The following CTNND2 variants were observed in gnomAD, a reference collection of about 807,000 sequenced individuals.
The protein encoded by CTNND2 is catenin delta 2.
A neutral mutation model predicts 144.4 loss-of-function variants in CTNND2; 22 were observed. The observed-to-expected ratio is 0.15, with a 90% CI of 0.11 to 0.22. The LOEUF (loss-of-function observed/expected upper bound fraction) is 0.22. Among genes scored for constraint, CTNND2 ranks in the 10% least tolerant of loss-of-function variants. The pLI is 1.00. For missense variants in CTNND2, 1,353 were observed against 1,618.8 expected, an observed-to-expected ratio of 0.84 and a Z score of 2.82; for synonymous variants, 751 against 695.6, an observed-to-expected ratio of 1.08 and a Z score of -1.25.
chr5:11,419,541 G>A (rs1426638615), intron 3 of CTNND2, among the ~76,000 whole-genome samples: 2 of 152,130 alleles, frequency 1.3e-5, no homozygotes, highest in Admixed American at 6.5e-5. Flanking sequence ...TTTTTACAAT[G>A]TTTCAAGTTT....
chr5:11,858,257 C>T (rs958153396), intron 1 of CTNND2, among the ~76,000 whole-genome samples: 1 of 152,140 alleles, frequency 6.6e-6, no homozygotes, highest in Non-Finnish European at 1.5e-5. Flanking sequence ...AAATAGGTGG[C>T]AAAGTTGGTT....
chr5:11,148,285 G>A (rs899144050), intron 12 of CTNND2, among the ~76,000 whole-genome samples: 16 of 152,184 alleles, frequency 1.1e-4, no homozygotes, highest in African/African-American at 3.6e-4. Flanking sequence ...AAATGCTGCC[G>A]AGTTGTTCAC....
chr5:11,578,925 T>C (rs896949409), intron 2 of CTNND2, among the ~76,000 whole-genome samples: 1 of 152,182 alleles, frequency 6.6e-6, no homozygotes. Flanking sequence ...GGAAGTAATA[T>C]ATTCAAAACA....
At chr5:11,094,546 C>T (rs1751139490) in intron 15 of CTNND2, among the ~76,000 whole-genome samples, 2 of 146,550 alleles carry the variant, frequency 1.4e-5, no homozygotes, top group African/African-American at 5.1e-5. Context: ...GTGGCGTGAT[C>T]CTGGCTCACT....
intron 7 of CTNND2, among the ~76,000 whole-genome samples, chr5:11,374,561 T>G (rs1488054167): frequency 1.3e-5 from 2 of 151,568 alleles, no homozygotes; most frequent in African/African-American, 4.9e-5. Context: ...CTTACCAGAG[T>G]TTTTAATGGG....
At chr5:11,836,548 A>C (rs902176661) in intron 1 of CTNND2, among the ~76,000 whole-genome samples, 1 of 152,104 alleles carries the variant, frequency 6.6e-6, no homozygotes, top group African/African-American at 2.4e-5. Context: ...AAAAAAAAAA[A>C]AGATTCCATT....
chr5:11,377,081 C>T (rs1019061602), intron 7 of CTNND2, among the ~76,000 whole-genome samples: 1 of 149,566 alleles, frequency 6.7e-6, no homozygotes, highest in Non-Finnish European at 1.5e-5. Flanking sequence ...GAAGGAGGCT[C>T]ATTCTGTTGC....
At position 11,470,972 on chromosome 5, in the gene CTNND2, ATATATATATTT is replaced by A. The variant is rs1318304717; in HGVS notation, c.288-58914_288-58904del. 5.7e-4 allele frequency among the ~76,000 whole-genome samples: 56 copies of A among 98,394 alleles called. 1 individual carries two copies. The highest frequency in any genetic ancestry group is 2.3e-3 in the African/African-American group (48 of 20,636). 64.6% of individuals were successfully genotyped at this position (98,394 alleles called of 152,430 possible). A position where few individuals can be genotyped will look rare whatever the true frequency, so the allele number is the denominator to read the frequency against. On this transcript the variant is annotated intron_variant, in intron 3 of 21. Transcript: ENST00000304623. ...ATACAAAGTATATATATATATATAT[ATATATATATTT>A]TTTTTTTTTTTTTAGATGGAGTCTC...
chr5:11,140,905 C>T (rs1433757410), intron 12 of CTNND2, among the ~76,000 whole-genome samples: 2 of 152,118 alleles, frequency 1.3e-5, no homozygotes, highest in Non-Finnish European at 2.9e-5. Context: ...ATTACTAATA[C>T]TATTTTTATT....
At chr5:11,504,108 T>A (rs1357848324) in intron 3 of CTNND2, among the ~76,000 whole-genome samples, 1 of 152,232 alleles carries the variant, frequency 6.6e-6, no homozygotes, top group African/African-American at 2.4e-5. Flanking sequence ...GAAGCTAGAC[T>A]GAATTTGGCC....
intron 2 of CTNND2, among the ~76,000 whole-genome samples, chr5:11,726,317 A>G (rs1041580524): frequency 2.0e-5 from 3 of 152,184 alleles, no homozygotes; most frequent in Non-Finnish European, 4.4e-5. Flanking sequence ...AATGATATGA[A>G]AAAATACTCC....
At position 11,803,305 on chromosome 5, in the gene CTNND2, C is replaced by T. The variant is rs192109798; in HGVS notation, c.38-71033G>A. On this transcript the variant is annotated intron_variant, in intron 1 of 21. Transcript: ENST00000304623. ...ACTGCACTCCAGCCTGGCAACAGAG[C>T]GAGACTGCGTCTCAAAAAAAAAAGA... 2.7e-4 allele frequency among the ~76,000 whole-genome samples: 38 copies of T among 142,838 alleles called. No individual in the cohort carries two copies. The East Asian group carries it at 2.7e-3, about 10-fold the overall frequency. The allele number at this position is 142,838 out of a possible 152,430, so 93.7% of individuals were successfully genotyped here.
At chr5:11,554,129 G>C (rs1338337193) in intron 3 of CTNND2, among the ~76,000 whole-genome samples, 1 of 152,092 alleles carries the variant, frequency 6.6e-6, no homozygotes, top group Non-Finnish European at 1.5e-5. Context: ...AAGAATATTA[G>C]TATAATTTGT....
intron 16 of CTNND2, among the ~76,000 whole-genome samples, chr5:11,048,405 C>T (rs1318711523): frequency 1.3e-5 from 2 of 152,074 alleles, no homozygotes. Flanking sequence ...GTTTTATTTC[C>T]CCATAAAAAT....
chr5:11,751,329 C>T (rs552410165), intron 1 of CTNND2, among the ~76,000 whole-genome samples: 1 of 151,880 alleles, frequency 6.6e-6, no homozygotes, highest in South Asian at 2.1e-4. Flanking sequence ...ATTATTTCAT[C>T]ACCCAGGTAA....
At chr5:11,345,803 A>C (rs1029917763) in intron 9 of CTNND2, among the ~76,000 whole-genome samples, 6 of 152,196 alleles carry the variant, frequency 3.9e-5, no homozygotes, top group African/African-American at 7.2e-5. Context: ...CAGCAACAAC[A>C]ACCACAAAAA....
chr5:11,113,481 A>AGAAAACG (rs1753218534), intron 13 of CTNND2, among the ~76,000 whole-genome samples: 1 of 152,122 alleles, frequency 6.6e-6, no homozygotes, highest in Non-Finnish European at 1.5e-5. Context: ...GGGAATATTT[A>AGAAAACG]TTCTCTGACC....
At chr5:11,078,100 T>C (rs1749136280) in intron 16 of CTNND2, among the ~76,000 whole-genome samples, 1 of 152,178 alleles carries the variant, frequency 6.6e-6, no homozygotes, top group Admixed American at 6.5e-5. Context: ...GTCACCAGAA[T>C]ACAGATGATC....
chr5:11,460,826 C>T (rs567924754), intron 3 of CTNND2, among the ~76,000 whole-genome samples: 40 of 152,076 alleles, frequency 2.6e-4, no homozygotes, highest in African/African-American at 7.5e-4. Flanking sequence ...CTGAGGTGGG[C>T]GGATCATGAG....
Sources: gnomAD v4.1 joint callset for allele counts (sites outside exome capture counted in the v4.1 genomes callset) on GRCh38, gnomAD v4.1.1 for gene constraint, MANE v1.5 for transcripts, NCBI Gene and HGNC (gene_info 2026-07-23, HGNC 2026-07-21) for gene names.